Variants in PDP1 observed in about 807,000 individuals in gnomAD.
The protein encoded by PDP1 is pyruvate dehyrogenase phosphatase catalytic subunit 1.
A neutral mutation model predicts 37.1 loss-of-function variants in PDP1; 14 were observed. The observed-to-expected ratio is 0.38, with a 90% CI of 0.25 to 0.59. PDP1 has a LOEUF of 0.59. Among genes scored for constraint, PDP1 ranks in the 20% least tolerant of loss-of-function variants. PDP1 has a pLI of 0.67. For missense variants in PDP1, 544 were observed against 655.3 expected (o/e 0.83, Z 1.85); for synonymous variants, 251 against 243.3 (o/e 1.03, Z -0.29).
At position 93,923,755 on chromosome 8, in the gene PDP1, A is replaced by G. The variant is rs542596810; in HGVS notation, c.*82A>G. ...TTAAAAAGATACTACTATAATAAAC[A>G]TTTCCAGTTGGTCATTCTAAGCATT... is the stretch of plus-strand genomic sequence containing the variant. On this transcript the variant is annotated 3_prime_UTR_variant, in exon 2 of 2. Transcript: ENST00000297598. This position sits in a 1 kb window ranked among gnomAD's most constrained non-coding sequence, Gnocchi z 4.3. 5 of 1,129,792 alleles carry G rather than the reference A, an allele frequency of 4.4e-6. No individual in the cohort carries two copies. In the African/African-American group the frequency reaches 7.6e-5, roughly 17 times the overall value. 70.0% of individuals were successfully genotyped at this position (1,129,792 alleles called of 1,614,324 possible). A position where few individuals can be genotyped will look rare whatever the true frequency, so the allele number is the denominator to read the frequency against.
chr8:93,920,739 T>G, intron 1 of PDP1: 1 of 864,238 alleles, frequency 1.2e-6, no homozygotes, highest in Non-Finnish European at 1.4e-6. Flanking sequence ...TTTTTTTTTT[T>G]AATGTGAGAG....
In PDP1 at chr8:93,925,199, A is replaced by G. The variant is rs998768985; in HGVS notation, c.*1526A>G. On this transcript the variant is annotated 3_prime_UTR_variant, in exon 2 of 2. Transcript: ENST00000297598. ...TTCAAGAACTCCTTCTGGACTGTGG[A>G]TACTGAATCAGTGTACTATTGGCTG... The G allele has an allele frequency of 1.2e-5, 2 of 167,048 alleles. No individual in the cohort carries two copies. The highest frequency in any genetic ancestry group is 2.9e-5 in the Non-Finnish European group (2 of 68,112). The allele number at this position is 167,048 out of a possible 1,614,324, so 10.3% of individuals were successfully genotyped here.
At chr8:93,920,407 T>A (rs1810232650) in intron 1 of PDP1, 1 of 328,028 alleles carries the variant, frequency 3.0e-6, no homozygotes, top group Non-Finnish European at 4.4e-6. Flanking sequence ...TGTTCCTTTT[T>A]GTTTATTGCA....
chr8:93,917,785 T>A, intron 1 of PDP1: 2 of 1,485,546 alleles, frequency 1.3e-6, no homozygotes, highest in Non-Finnish European at 1.8e-6. Context: ...CCTCCTCCGC[T>A]CCCGCCTCCC....
At chr8:93,917,349 A>G (rs982948107) in intron 1 of PDP1, 2 of 152,512 alleles carry the variant, frequency 1.3e-5, no homozygotes, top group African/African-American at 2.4e-5. Context: ...TGTCAGCACG[A>G]AGGGCGCCGC....
Position 93,923,825 on chromosome 8 carries a change from TGCA to T in PDP1, c.*157_*159del. 1.4e-6 allele frequency: 1 copy of T among 724,020 alleles called. No individual in the cohort carries two copies. The allele number at this position is 724,020 out of a possible 1,614,324, so 44.8% of individuals were successfully genotyped here. On this transcript the variant is annotated 3_prime_UTR_variant, in exon 2 of 2. Coordinates refer to ENST00000297598, the MANE Select transcript of PDP1 (RefSeq NM_018444.4). The surrounding 1 kb of genome is among the most constrained non-coding windows in gnomAD (Gnocchi z 4.3). ...CTAGTCAGGTACTCCAAATTGACTT[TGCA>T]GCAGGGTGGCAGGGTCAGGAGAGTC...
intron 1 of PDP1, among the ~76,000 whole-genome samples, chr8:93,920,163 C>G (rs941701436): frequency 6.6e-6 from 1 of 152,182 alleles, no homozygotes; most frequent in Non-Finnish European, 1.5e-5. Context: ...CTACTACTTG[C>G]AGAAGAGAAT....
At position 93,923,903 on chromosome 8, in the gene PDP1, C is replaced by T. The variant is rs1005095971; in HGVS notation, c.*230C>T. On this transcript the variant is annotated 3_prime_UTR_variant, in exon 2 of 2. Transcript: ENST00000297598. This position sits in a 1 kb window ranked among gnomAD's most constrained non-coding sequence, Gnocchi z 4.3. ...TGGCACCTGCACTTGAAGCAAGTCA[C>T]TTCTTTATCACAGGTGTCTTGAAAC... 16 of 511,226 alleles carry T rather than the reference C, an allele frequency of 3.1e-5. No individual in the cohort carries two copies. The Admixed American group carries it at 4.9e-4, about 16-fold the overall frequency. 31.7% of individuals were successfully genotyped at this position (511,226 alleles called of 1,614,324 possible). A position where few individuals can be genotyped will look rare whatever the true frequency, so the allele number is the denominator to read the frequency against.
chr8:93,922,166 C>T lies in PDP1; in HGVS notation c.107C>T (p.Ser36Leu), dbSNP rs1383581551. 1 of 1,614,220 alleles carries T rather than the reference C, an allele frequency of 6.2e-7. No homozygotes were observed. Among genetic ancestry groups the T allele is most frequent in the Non-Finnish European group, 8.5e-7 (1 of 1,180,034 alleles). ...CACCACAAACATCTCTGTTGTTCCT[C>T]ATCGTACATTCCTCAGAGTCGACTG... is the stretch of plus-strand genomic sequence containing the variant. ...YCHHKHLCCS[S>L]SYIPQSRLRY... Residue 36 changes from serine to leucine, a missense_variant, in exon 2 of 2, where the codon TCA becomes TTA. By Grantham distance (145) the Ser-to-Leu change is moderately radical. Transcript: ENST00000297598. The surrounding 1 kb of genome is among the most constrained non-coding windows in gnomAD (Gnocchi z 4.0).
At chr8:93,920,671 CA>C in intron 1 of PDP1, 1 of 935,120 alleles carries the variant, frequency 1.1e-6, no homozygotes, top group South Asian at 5.0e-5. Context: ...CTTTTCAATC[CA>C]AACCTTAGAC....
At position 93,924,106 on chromosome 8, in the gene PDP1, A is replaced by AT. The variant is rs2130394272; in HGVS notation, c.*437dup. The stretch of plus-strand genomic sequence containing the variant: ...CATGAGAACATATATTTATTGCATG[A>AT]TTTTCTAGATACACAGTCTATGCAT... On this transcript the variant is annotated 3_prime_UTR_variant, in exon 2 of 2. Coordinates refer to ENST00000297598, the MANE Select transcript of PDP1 (RefSeq NM_018444.4). 1 of 195,142 alleles carries AT rather than the reference A, an allele frequency of 5.1e-6. No individual in the cohort carries two copies. The highest frequency in any genetic ancestry group is 1.3e-4 in the South Asian group (1 of 7,788). The allele number at this position is 195,142 out of a possible 1,614,324, so 12.1% of individuals were successfully genotyped here. A position where few individuals can be genotyped will look rare whatever the true frequency, so the allele number is the denominator to read the frequency against.
Position 93,922,863 on chromosome 8 carries a change from A to G in PDP1, c.804A>G (p.Ala268=), listed in dbSNP as rs779015042. 21 of 1,614,034 alleles carry G rather than the reference A, an allele frequency of 1.3e-5. No homozygotes were observed. The highest frequency in any genetic ancestry group is 1.7e-5 in the Non-Finnish European group (20 of 1,180,030). Residue 268 remains alanine (A), a synonymous_variant, in exon 2 of 2, where the codon GCA becomes GCG. Coordinates refer to ENST00000297598, the MANE Select transcript of PDP1 (RefSeq NM_018444.4). This position sits in a 1 kb window ranked among gnomAD's most constrained non-coding sequence, Gnocchi z 4.0. Reference sequence around the variant, plus strand: ...TCAACTACCTGGTGCTTCGAGTGGCATTTTCTGGAGCCACTGCTTGTGTGG... The same window carrying G: ...TCAACTACCTGGTGCTTCGAGTGGCGTTTTCTGGAGCCACTGCTTGTGTGG... The part of the protein sequence containing the change: ...SFLNYLVLRV[A]FSGATACVAH...
chr8:93,923,208 G>C lies in PDP1; in HGVS notation c.1149G>C (p.Lys383Asn). The C allele has an allele frequency of 5.0e-6, 8 of 1,614,140 alleles. No homozygotes were observed. Among genetic ancestry groups the C allele is most frequent in the Non-Finnish European group, 6.8e-6 (8 of 1,179,980 alleles). Residue 383 changes from lysine (K) to asparagine (N), a missense_variant, in exon 2 of 2, where the codon AAG (lysine) becomes AAC (asparagine). Physicochemically the swap from Lys to Asn is moderately conservative, Grantham distance 94. Coordinates refer to ENST00000297598, the MANE Select transcript of PDP1 (RefSeq NM_018444.4). This position sits in a 1 kb window ranked among gnomAD's most constrained non-coding sequence, Gnocchi z 4.3. Reference protein sequence around the residue: ...PDQLNDNEYTKFIPPNYHTPP... With the variant: ...PDQLNDNEYTNFIPPNYHTPP... ...AGTTGAATGACAATGAATATACCAA[G>C]TTTATTCCTCCTAATTATCACACAC...
chr8:93,925,273 A>T lies in PDP1; in HGVS notation c.*1600A>T. The T allele has an allele frequency of 6.0e-6, 1 of 166,312 alleles. No homozygotes were observed. The allele number at this position is 166,312 out of a possible 1,614,324, so 10.3% of individuals were successfully genotyped here. On this transcript the variant is annotated 3_prime_UTR_variant, in exon 2 of 2. Transcript: ENST00000297598. ...AGACTCAGGAAGATTGCTGCTCAGA[A>T]TATCATATAATGTTTATTTTTTGAG...
intron 1 of PDP1, among the ~76,000 whole-genome samples, chr8:93,918,693 G>C (rs1159692136): frequency 6.6e-6 from 1 of 152,176 alleles, no homozygotes; most frequent in Non-Finnish European, 1.5e-5. Flanking sequence ...CCTGGATGCT[G>C]TTCTTATTGC....
Position 93,922,103 on chromosome 8 carries a change from G to T in PDP1, c.44G>T (p.Cys15Phe), listed in dbSNP as rs1320461110. 1 of 1,613,988 alleles carries T rather than the reference G, an allele frequency of 6.2e-7. No individual in the cohort carries two copies. Among genetic ancestry groups the T allele is most frequent in the East Asian group, 2.2e-5 (1 of 44,884 alleles). The change falls in exon 2 of 2, where the codon TGT becomes TTT. Residue 15 changes from cysteine (C) to phenylalanine (F), a missense_variant. By Grantham distance (205) the Cys-to-Phe change is radical. Around this residue, in one of 5 missense-constraint regions of PDP1, gnomAD observed 342 missense variants for 414.0 expected, o/e 0.83. Transcript: ENST00000297598. This position sits in a 1 kb window ranked among gnomAD's most constrained non-coding sequence, Gnocchi z 4.0. ...TQLFFPLIRNCELSRIYGTAC... is the reference protein window; with the variant it reads ...TQLFFPLIRNFELSRIYGTAC... ...CTGTTTTTTCCTCTCATCCGTAACT[G>T]TGAACTGAGCAGGATCTATGGCACT... is the stretch of plus-strand genomic sequence containing the variant.
chr8:93,920,417 A>G (rs923074361), intron 1 of PDP1: 2 of 387,514 alleles, frequency 5.2e-6, no homozygotes, highest in Non-Finnish European at 7.0e-6. Flanking sequence ...TGTTTATTGC[A>G]TTTGTTTATT....
In PDP1 at chr8:93,925,169, A is replaced by T. The variant is rs576359274; in HGVS notation, c.*1496A>T. The T allele has an allele frequency of 4.2e-5, 7 of 167,200 alleles. No homozygotes were observed. Among genetic ancestry groups the T allele is most frequent in the Non-Finnish European group, 7.3e-5 (5 of 68,108 alleles). The allele number at this position is 167,200 out of a possible 1,614,324, so 10.4% of individuals were successfully genotyped here. On this transcript the variant is annotated 3_prime_UTR_variant, in exon 2 of 2. Coordinates refer to ENST00000297598, the MANE Select transcript of PDP1 (RefSeq NM_018444.4). ...TTCACATTTTTTGGGGATATGAACT[A>T]GATGTTCAAGAACTCCTTCTGGACT...
At chr8:93,921,348 A>G (rs1478888054) in intron 1 of PDP1, 2 of 984,912 alleles carry the variant, frequency 2.0e-6, no homozygotes. Context: ...CAAGTTTTGC[A>G]AGACCATCTA....
Sources: gnomAD v4.1 joint callset for allele counts (sites outside exome capture counted in the v4.1 genomes callset) on GRCh38, gnomAD v4.1.1 for gene constraint, gnomAD v4.1.1 regional missense constraint, Gnocchi (gnomAD v3.1) non-coding constraint, MANE v1.5 for transcripts, NCBI Gene and HGNC (gene_info 2026-07-23, HGNC 2026-07-21) for gene names.